The following TLR2 variants were observed in gnomAD, a reference collection of about 807,000 sequenced individuals.
TLR2 encodes toll like receptor 2, also known as toll-like receptor 2.
TLR2 carries 7 observed loss-of-function variants against 9.1 expected under a neutral mutation model. That is an observed-to-expected ratio of 0.77 (90% CI 0.44 to 1.44). TLR2 has a LOEUF of 1.44. Ranked by LOEUF, TLR2 falls within the 40% of genes most tolerant of loss-of-function variation. TLR2 has a pLI of 0.01. For synonymous variants in TLR2, 317 were observed against 344.6 expected (o/e 0.92, Z 0.89); for missense variants, 812 against 904.6 (o/e 0.90, Z 1.31).
At chr4:153,709,763 G>A (rs759645817), downstream of TLR2, among the ~76,000 whole-genome samples, 2 of 152,244 alleles carry the variant, frequency 1.3e-5, no homozygotes, top group Non-Finnish European at 2.9e-5. Context: ...TCTTGCTTTA[G>A]TACAGCTGTT....
At chr4:153,686,299 A>G (rs1309769526) in intron 1 of TLR2, among the ~76,000 whole-genome samples, 1 of 152,188 alleles carries the variant, frequency 6.6e-6, no homozygotes, top group Non-Finnish European at 1.5e-5. Flanking sequence ...CCAATACATG[A>G]GCTTTGGGGC....
At chr4:153,709,008 T>C (rs1737422082), downstream of TLR2, among the ~76,000 whole-genome samples, 2 of 152,134 alleles carry the variant, frequency 1.3e-5, no homozygotes, top group South Asian at 4.1e-4. Context: ...TGGGCTCTCC[T>C]CTCCACTGTG....
At chr4:153,708,082 G>A (rs2127075499), downstream of TLR2, among the ~76,000 whole-genome samples, 1 of 152,232 alleles carries the variant, frequency 6.6e-6, no homozygotes, top group African/African-American at 2.4e-5. Context: ...TTACAAAATT[G>A]GGATTAGATT....
rs141605367 is a variant in TLR2 at position 153,702,762 on chromosome 4, TTGTGTGTGTGTG to T, written c.-16-96_-16-85del. 597 of 416,992 alleles carry T rather than the reference TTGTGTGTGTGTG, an allele frequency of 1.4e-3. 2 individuals are homozygous for T. The highest frequency in any genetic ancestry group is 5.0e-3 in the African/African-American group (241 of 47,936). The allele number at this position is 416,992 out of a possible 1,614,324, so 25.8% of individuals were successfully genotyped here. A position where few individuals can be genotyped will look rare whatever the true frequency, so the allele number is the denominator to read the frequency against. ...CATCTGTTTCTCTCTCTCTCTCTCTTTGTGTGTGTGTGTGTGTGTGTGTGTGTGTGTGTGTGT... is the reference window on the plus strand; with the variant it reads ...CATCTGTTTCTCTCTCTCTCTCTCTTTGTGTGTGTGTGTGTGTGTGTGTGT... On this transcript the variant is annotated intron_variant, in intron 2 of 2. Transcript: ENST00000642700.
chr4:153,685,000 AGGAC>A (rs1735598718), intron 1 of TLR2, among the ~76,000 whole-genome samples: 1 of 152,224 alleles, frequency 6.6e-6, no homozygotes, highest in South Asian at 2.1e-4. Flanking sequence ...GGTTACTGCT[AGGAC>A]GGAGCTTGGA....
chr4:153,693,488 T>A (rs1207942150), intron 2 of TLR2, among the ~76,000 whole-genome samples: 2 of 152,050 alleles, frequency 1.3e-5, no homozygotes, highest in South Asian at 2.1e-4. Context: ...GAACTGAGAG[T>A]GGTCGCTCGA....
chr4:153,688,933 C>T (rs1276423698), intron 2 of TLR2, among the ~76,000 whole-genome samples: 1 of 152,214 alleles, frequency 6.6e-6, no homozygotes, highest in African/African-American at 2.4e-5. Context: ...TCACAGTGAG[C>T]TACTTCTTGC....
chr4:153,697,074 TAGA>T (rs937269782), intron 2 of TLR2, among the ~76,000 whole-genome samples: 1 of 152,032 alleles, frequency 6.6e-6, no homozygotes, highest in Non-Finnish European at 1.5e-5. Flanking sequence ...AGAAAGAGTA[TAGA>T]AGAAAAACTG....
At chr4:153,687,129 A>G (rs1735760723) in intron 1 of TLR2, among the ~76,000 whole-genome samples, 4 of 152,190 alleles carry the variant, frequency 2.6e-5, no homozygotes, top group Admixed American at 1.3e-4. Flanking sequence ...ATTTTTAATG[A>G]CTTATGAAAA....
Position 153,702,961 on chromosome 4 carries a change from C to A in TLR2, c.54C>A (p.Ser18=). The part of the protein sequence containing the change: ...VWVLGVIISL[S]KEESSNQASL... The stretch of plus-strand genomic sequence containing the variant: ...TCTTGGGGGTCATCATCAGCCTCTC[C>A]AAGGAAGAATCCTCCAATCAGGCTT... Residue 18 remains serine (S), a synonymous_variant, in exon 3 of 3, where the codon TCC becomes TCA. Transcript: ENST00000642700. 1 of 1,608,870 alleles carries A rather than the reference C, an allele frequency of 6.2e-7. No individual in the cohort carries two copies. The highest frequency in any genetic ancestry group is 8.5e-7 in the Non-Finnish European group (1 of 1,177,760).
chr4:153,703,916 A>C lies in TLR2; in HGVS notation c.1009A>C (p.Arg337=), dbSNP rs1214445895. The change falls in exon 3 of 3, where the codon AGA becomes CGA. Residue 337 remains arginine (R), a synonymous_variant. Transcript: ENST00000642700. ...DLSTLYSLTE[R]VKRITVENSK... ...GAGCACTTTATATTCACTTACAGAA[A>C]GAGTTAAAAGAATCACAGTAGAAAA... 1 of 1,613,182 alleles carries C rather than the reference A, an allele frequency of 6.2e-7. No homozygotes were observed. The highest frequency in any genetic ancestry group is 1.7e-5 in the Admixed American group (1 of 59,810).
intron 1 of TLR2, among the ~76,000 whole-genome samples, chr4:153,687,030 A>G (rs534659673): frequency 6.6e-6 from 1 of 152,308 alleles, no homozygotes; most frequent in Non-Finnish European, 1.5e-5. Flanking sequence ...GAACAGAAAA[A>G]CTTATAGAAA....
Position 153,704,816 on chromosome 4 carries a change from A to T in TLR2, c.1909A>T (p.Arg637Trp). 1 of 1,614,080 alleles carries T rather than the reference A, an allele frequency of 6.2e-7. No individual in the cohort carries two copies. Among genetic ancestry groups the T allele is most frequent in the African/African-American group, 1.3e-5 (1 of 75,022 alleles). ...AAGGAAGCCCAGGAAAGCTCCCAGCAGGAACATCTGCTATGATGCATTTGT... is the reference window on the plus strand; with the variant it reads ...AAGGAAGCCCAGGAAAGCTCCCAGCTGGAACATCTGCTATGATGCATTTGT... The part of the protein sequence containing the change: ...AKRKPRKAPS[R>W]NICYDAFVSY... Residue 637 changes from arginine to tryptophan, a missense_variant, in exon 3 of 3, where the codon AGG (arginine) becomes TGG (tryptophan). Coordinates refer to ENST00000642700, the MANE Select transcript of TLR2 (RefSeq NM_001318789.2).
chr4:153,692,187 A>G (rs1441078714), intron 2 of TLR2, among the ~76,000 whole-genome samples: 1 of 152,214 alleles, frequency 6.6e-6, no homozygotes, highest in African/African-American at 2.4e-5. Context: ...TAGTAAAGAA[A>G]CAGTCTTTTA....
chr4:153,688,951 G>A (rs925304581), intron 2 of TLR2, among the ~76,000 whole-genome samples: 2 of 152,178 alleles, frequency 1.3e-5, no homozygotes, highest in East Asian at 1.9e-4. Flanking sequence ...TGCAGGAGTC[G>A]GGATTCGCAT....
At chr4:153,691,511 C>T (rs543516135) in intron 2 of TLR2, among the ~76,000 whole-genome samples, 3 of 152,292 alleles carry the variant, frequency 2.0e-5, no homozygotes, top group Admixed American at 1.3e-4. Context: ...TATACAATAA[C>T]ACCAGTAAGT....
At chr4:153,701,736 C>A (rs1338002579) in intron 2 of TLR2, 3 of 150,440 alleles carry the variant, frequency 2.0e-5, no homozygotes, top group African/African-American at 4.9e-5. Context: ...AAAAGAAAAT[C>A]CAGAATAAAT....
rs563640564 is a variant in TLR2 at position 153,692,182 on chromosome 4, A to C, written c.-17+4135A>C. Among the ~76,000 whole-genome samples the C allele has an allele frequency of 1.4e-4, 21 of 152,314 alleles. No homozygotes were observed. In the Middle Eastern group the frequency reaches 0.01, roughly 74 times the overall value. ...GCCTTGCTCAGCTAAGGGGATAGTA[A>C]AGAAACAGTCTTTTAAATTTATGAC... On this transcript the variant is annotated intron_variant, in intron 2 of 2. Coordinates refer to ENST00000642700, the MANE Select transcript of TLR2 (RefSeq NM_001318789.2).
At chr4:153,696,292 T>C (rs554114153) in intron 2 of TLR2, among the ~76,000 whole-genome samples, 16 of 152,336 alleles carry the variant, frequency 1.1e-4, no homozygotes, top group African/African-American at 3.8e-4. Context: ...TTTAACAATA[T>C]TGATTTTTCC....
Sources: gnomAD v4.1 joint callset for allele counts (sites outside exome capture counted in the v4.1 genomes callset) on GRCh38, gnomAD v4.1.1 for gene constraint, MANE v1.5 for transcripts, NCBI Gene and HGNC (gene_info 2026-07-23, HGNC 2026-07-21) for gene names.